The following VWDE variants were observed in gnomAD, a reference collection of about 807,000 sequenced individuals.
VWDE encodes the protein von Willebrand factor D and EGF domains, also known as von Willebrand factor D and EGF domain-containing protein.
Under a neutral mutation model 178.4 loss-of-function variants are expected in VWDE, and 207 were observed. The ratio of observed to expected loss-of-function variants is 1.16; its 90% CI spans 1.04 to 1.30. VWDE has a LOEUF of 1.30. VWDE is among the 50% of genes most tolerant of loss of function. The pLI, the probability that VWDE is intolerant of heterozygous loss-of-function variation, is 0.00. For missense variants in VWDE, 2,287 were observed against 1,901.3 expected, an observed-to-expected ratio of 1.20 and a Z score of -3.77; for synonymous variants, 738 against 651.4, an observed-to-expected ratio of 1.13 and a Z score of -2.02.
intron 26 of VWDE, among the ~76,000 whole-genome samples, chr7:12,336,498 G>A (rs1781040364): frequency 6.6e-6 from 1 of 152,096 alleles, no homozygotes; most frequent in African/African-American, 2.4e-5. Flanking sequence ...CATCTATGTT[G>A]CTTCTCATTT....
At chr7:12,360,561 C>G (rs561400045) in intron 15 of VWDE, among the ~76,000 whole-genome samples, 30 of 152,128 alleles carry the variant, frequency 2.0e-4, no homozygotes, top group Middle Eastern at 3.4e-3. Context: ...TGCACCTCAG[C>G]TTTGAGGAGT....
At chr7:12,400,092 T>C (rs914975137) in intron 1 of VWDE, among the ~76,000 whole-genome samples, 6 of 152,124 alleles carry the variant, frequency 3.9e-5, no homozygotes, top group African/African-American at 1.4e-4. Flanking sequence ...GGGACATGTA[T>C]AGACAGGAAT....
intron 2 of VWDE, among the ~76,000 whole-genome samples, chr7:12,392,538 T>C (rs1395228425): frequency 6.6e-6 from 1 of 152,152 alleles, no homozygotes; most frequent in African/African-American, 2.4e-5. Context: ...GAACTTGCAT[T>C]TGAAAATCAT....
At chr7:12,377,509 A>G (rs1783595926) in intron 7 of VWDE, 5 of 239,558 alleles carry the variant, frequency 2.1e-5, no homozygotes, top group Admixed American at 5.6e-5. Context: ...AAGAGGAGCG[A>G]GAGGAAAAAG....
rs183840607 is a variant in VWDE at position 12,356,542 on chromosome 7, C to T, written c.3526-212G>A. 3.9e-4 allele frequency among the ~76,000 whole-genome samples: 59 copies of T among 151,724 alleles called. No individual in the cohort carries two copies. In the Middle Eastern group the frequency reaches 0.01, roughly 26 times the overall value. The stretch of plus-strand genomic sequence containing the variant: ...ACGCCCACTCCCAGGTGCATAACCA[C>T]AATATAATACTAAGGATAACTTTTC... On this transcript the variant is annotated intron_variant, in intron 17 of 28. Transcript: ENST00000275358.
intron 9 of VWDE, 87 bp downstream of exon 9, chr7:12,374,602 A>C: frequency 1.0e-6 from 1 of 990,310 alleles, no homozygotes; most frequent in African/African-American, 1.7e-5. Context: ...TAGGACTAAA[A>C]AATTATAAAA....
At chr7:12,333,999 A>G (rs902209167) in intron 27 of VWDE, among the ~76,000 whole-genome samples, 31 of 152,292 alleles carry the variant, frequency 2.0e-4, no homozygotes, top group African/African-American at 6.5e-4. Context: ...TTATACTATC[A>G]TTGGAAGTTT....
intron 13 of VWDE, among the ~76,000 whole-genome samples, chr7:12,366,461 G>A (rs978515376): frequency 1.3e-5 from 2 of 152,000 alleles, no homozygotes; most frequent in South Asian, 4.1e-4. Flanking sequence ...CTATTACAAT[G>A]TCTATTCTCT....
At chr7:12,335,548 A>C (rs1014649818) in intron 27 of VWDE, among the ~76,000 whole-genome samples, 5 of 151,660 alleles carry the variant, frequency 3.3e-5, no homozygotes, top group Admixed American at 1.3e-4. Flanking sequence ...CTCTGCCTCC[A>C]GGGTTCACGC....
intron 4 of VWDE, among the ~76,000 whole-genome samples, chr7:12,381,072 C>T (rs977145708): frequency 3.9e-5 from 6 of 152,134 alleles, no homozygotes; most frequent in African/African-American, 1.4e-4. Flanking sequence ...AGGTTTAGTA[C>T]ATTATAATTC....
intron 1 of VWDE, among the ~76,000 whole-genome samples, chr7:12,395,442 A>G (rs1481089101): frequency 6.6e-6 from 1 of 152,118 alleles, no homozygotes; most frequent in Non-Finnish European, 1.5e-5. Context: ...TTTGTGTAGT[A>G]TTCCTCCTTA....
At chr7:12,370,606 G>A (rs1039733317) in intron 11 of VWDE, 50 bp downstream of exon 11, 37 of 1,537,678 alleles carry the variant, frequency 2.4e-5, no homozygotes, top group South Asian at 4.9e-5. Flanking sequence ...GCCACCACCC[G>A]TTTTAAGTCT....
At position 12,344,120 on chromosome 7, in the gene VWDE, T is replaced by C. The variant is rs1345119239; in HGVS notation, c.4078+75A>G. ...ATATATACACAGTAAAACTGAATTG[T>C]CTTGTAAAATGGTTTTTAAAGAAAA... On this transcript the variant is annotated intron_variant, in intron 21 of 28. Transcript: ENST00000275358. 3 of 1,249,830 alleles carry C rather than the reference T, an allele frequency of 2.4e-6. No individual in the cohort carries two copies. The Admixed American group carries it at 6.3e-5, about 26-fold the overall frequency. 77.4% of individuals were successfully genotyped at this position (1,249,830 alleles called of 1,614,324 possible). A position where few individuals can be genotyped will look rare whatever the true frequency, so the allele number is the denominator to read the frequency against.
At chr7:12,373,882 G>A (rs370669339) in intron 9 of VWDE, among the ~76,000 whole-genome samples, 1 of 151,940 alleles carries the variant, frequency 6.6e-6, no homozygotes, top group Admixed American at 6.6e-5. Flanking sequence ...AGTTATAACC[G>A]TAAAGGATTC....
chr7:12,340,543 T>C, intron 23 of VWDE, 126 bp from the exon 24 acceptor site: 1 of 621,428 alleles, frequency 1.6e-6, no homozygotes, highest in Non-Finnish European at 2.7e-6. Flanking sequence ...GCCCATAATG[T>C]ATAATTAATT....
At chr7:12,349,982 T>C (rs1781839891) in intron 19 of VWDE, among the ~76,000 whole-genome samples, 1 of 151,962 alleles carries the variant, frequency 6.6e-6, no homozygotes, top group Admixed American at 6.6e-5. Flanking sequence ...CAAACATTGA[T>C]GGAAATAGAA....
rs1246981983 is a variant in VWDE at position 12,369,490 on chromosome 7, C to A, written c.2761+55G>T. ...CTGAGGGTGAAATAAAGATCAAACA[C>A]ATTTTTATAATGAAATATCACATGC... On this transcript the variant is annotated intron_variant, in intron 12 of 28. Transcript: ENST00000275358. 4 of 1,460,188 alleles carry A rather than the reference C, an allele frequency of 2.7e-6. No individual in the cohort carries two copies. In the African/African-American group the frequency reaches 5.7e-5, roughly 21 times the overall value. The allele number at this position is 1,460,188 out of a possible 1,614,324, so 90.5% of individuals were successfully genotyped here. A position where few individuals can be genotyped will look rare whatever the true frequency, so the allele number is the denominator to read the frequency against.
At position 12,370,461 on chromosome 7, in the gene VWDE, T is replaced by C; in HGVS notation, c.1845A>G (p.Thr615=). ...TACAATAGGATGGCTTTCCAGGTGA[T>C]GTCATAGAAACTGGCAGTGTGTCAG... ...SMSDTLPVSM[T]SPGKPSYCSC... is the part of the protein sequence containing the mutation. The change falls in exon 12 of 29, where the codon ACA becomes ACG. Residue 615 remains threonine (T), a synonymous_variant. Transcript: ENST00000275358. The C allele has an allele frequency of 6.5e-7, 1 of 1,542,602 alleles. No individual in the cohort carries two copies. The highest frequency in any genetic ancestry group is 8.7e-7 in the Non-Finnish European group (1 of 1,146,630).
chr7:12,396,921 G>A (rs1381300188), intron 1 of VWDE, among the ~76,000 whole-genome samples: 1 of 152,090 alleles, frequency 6.6e-6, no homozygotes, highest in Non-Finnish European at 1.5e-5. Context: ...GGCAACAAGA[G>A]TGAAACTCTG....
Sources: allele counts gnomAD v4.1 joint callset (sites outside exome capture counted in the v4.1 genomes callset), GRCh38; gene constraint gnomAD v4.1.1; transcripts MANE v1.5; gene names NCBI Gene and HGNC (gene_info 2026-07-23, HGNC 2026-07-21).